The following STMN3 variants were observed in gnomAD, a reference collection of about 807,000 sequenced individuals.
STMN3 encodes stathmin-3.
In STMN3, 24 loss-of-function variants were observed where a neutral mutation model predicts 23.2. The observed-to-expected ratio is 1.03, with a 90% CI of 0.75 to 1.45. The LOEUF is 1.45. Ranked by LOEUF, STMN3 falls within the 40% of genes most tolerant of loss-of-function variation. The pLI is 0.00. For missense variants in STMN3, 235 were observed against 237.6 expected, an observed-to-expected ratio of 0.99 and a Z score of 0.07; for synonymous variants, 117 against 103.4, an observed-to-expected ratio of 1.13 and a Z score of -0.80.
At chr20:63,645,572 G>A (rs958703452) in intron 1 of STMN3, among the ~76,000 whole-genome samples, 1 of 152,234 alleles carries the variant, frequency 6.6e-6, no homozygotes, top group African/African-American at 2.4e-5. Flanking sequence ...TGCTGTCACA[G>A]TGAAAATAAT....
At chr20:63,651,180 C>T (rs1002729021) in intron 1 of STMN3, among the ~76,000 whole-genome samples, 3 of 152,222 alleles carry the variant, frequency 2.0e-5, no homozygotes, top group East Asian at 1.9e-4. Flanking sequence ...AGGCTAGTCT[C>T]GAACTCTTGA....
intron 1 of STMN3, among the ~76,000 whole-genome samples, chr20:63,650,120 G>A (rs1302016324): frequency 1.5e-4 from 13 of 86,614 alleles, no homozygotes; most frequent in Non-Finnish European, 2.6e-4. Flanking sequence ...GAGCCCCCGC[G>A]CCTGGCCCCC....
intron 1 of STMN3, among the ~76,000 whole-genome samples, chr20:63,647,960 G>GTGTATACATATA (rs1424237875): frequency 1.9e-5 from 1 of 53,360 alleles, no homozygotes; most frequent in African/African-American, 1.0e-4. Context: ...ATATATATAT[G>GTGTATACATATA]TATATATATA....
In STMN3 at chr20:63,640,458, G is replaced by A. The variant is rs2089750389; in HGVS notation, c.*880C>T. The A allele has an allele frequency of 6.6e-6, 1 of 152,276 alleles. No homozygotes were observed. Among genetic ancestry groups the A allele is most frequent in the African/African-American group, 2.4e-5 (1 of 41,250 alleles). The allele number at this position is 152,276 out of a possible 1,614,324, so 9.4% of individuals were successfully genotyped here. On this transcript the variant is annotated 3_prime_UTR_variant, in exon 5 of 5. Coordinates refer to ENST00000370053, the MANE Select transcript of STMN3 (RefSeq NM_015894.4). The stretch of plus-strand genomic sequence containing the variant: ...AATCCCCCTTGGGGCTCCCTGAGGA[G>A]GACTTGTGGCTGCCGCTTCCACCAG...
intron 1 of STMN3, among the ~76,000 whole-genome samples, chr20:63,650,892 G>GGT (rs2089853527): frequency 7.3e-6 from 1 of 136,818 alleles, no homozygotes; most frequent in Non-Finnish European, 1.6e-5. Flanking sequence ...CGCCCACCCG[G>GGT]GTGGATGCCC....
At chr20:63,642,970 T>A (rs1422591301) in intron 3 of STMN3, among the ~76,000 whole-genome samples, 1 of 152,094 alleles carries the variant, frequency 6.6e-6, no homozygotes, top group Non-Finnish European at 1.5e-5. Flanking sequence ...GACATTTTTA[T>A]CTCTGTTTCA....
Position 63,642,241 on chromosome 20 carries a change from A to G in STMN3, c.350T>C (p.Val117Ala). 6.4e-7 allele frequency: 1 copy of G among 1,550,906 alleles called. No homozygotes were observed. The highest frequency in any genetic ancestry group is 8.7e-7 in the Non-Finnish European group (1 of 1,150,602). ...ATTCTCCTCCAGCGCCTTGTGCAGCACCTCGCGCTCGTGCTCGCGCCGCTC... is the reference window on the plus strand; with the variant it reads ...ATTCTCCTCCAGCGCCTTGTGCAGCGCCTCGCGCTCGTGCTCGCGCCGCTC... ...LAERREHERE[V>A]LHKALEENNN... The change falls in exon 4 of 5, where the codon GTG (valine) becomes GCG (alanine). Residue 117 changes from valine to alanine, a missense_variant. Coordinates refer to ENST00000370053, the MANE Select transcript of STMN3 (RefSeq NM_015894.4).
Position 63,652,597 on chromosome 20 carries a change from G to T in STMN3, c.19+730C>A, listed in dbSNP as rs903963355. 1 of 985,182 alleles carries T rather than the reference G, an allele frequency of 1.0e-6. No homozygotes were observed. The highest frequency in any genetic ancestry group is 1.2e-6 in the Non-Finnish European group (1 of 829,880). 61.0% of individuals were successfully genotyped at this position (985,182 alleles called of 1,614,324 possible). A position where few individuals can be genotyped will look rare whatever the true frequency, so the allele number is the denominator to read the frequency against. ...CCTTCGAAGGCGGTGGGTCCGCCCC[G>T]CGGGAGGTGGAGGGGCGGGAGGGGC... On this transcript the variant is annotated intron_variant, in intron 1 of 4. Transcript: ENST00000370053. This position sits in a 1 kb window ranked among gnomAD's most constrained non-coding sequence, Gnocchi z 5.3.
intron 1 of STMN3, among the ~76,000 whole-genome samples, chr20:63,647,985 T>TAC (rs2089830981): frequency 1.0e-5 from 1 of 97,666 alleles, no homozygotes; most frequent in African/African-American, 4.3e-5. Flanking sequence ...TATATACATA[T>TAC]ATATATACAG....
intron 1 of STMN3, among the ~76,000 whole-genome samples, chr20:63,644,696 G>A (rs190601724): frequency 7.9e-5 from 12 of 152,284 alleles, no homozygotes; most frequent in Non-Finnish European, 4.4e-5. Context: ...GCCGGTGTGC[G>A]GAGGTGAGGC....
intron 3 of STMN3, 87 bp downstream of exon 3, chr20:63,643,669 C>A: frequency 6.9e-7 from 1 of 1,446,692 alleles, no homozygotes; most frequent in Non-Finnish European, 9.0e-7. Context: ...CAAGCCTGTC[C>A]GGGAGCACCC....
At chr20:63,641,464 G>T in intron 4 of STMN3, 67 bp from the exon 5 acceptor site, 1 of 1,399,268 alleles carries the variant, frequency 7.1e-7, no homozygotes, top group Non-Finnish European at 9.8e-7. Context: ...GAACCCCCAG[G>T]CGCGCAGGCC....
chr20:63,644,733 T>G (rs1426868825), intron 1 of STMN3, among the ~76,000 whole-genome samples: 1 of 152,178 alleles, frequency 6.6e-6, no homozygotes, highest in East Asian at 1.9e-4. Flanking sequence ...GCCATGAGGA[T>G]AGAGCCCTCC....
chr20:63,650,207 C>T (rs548120201), intron 1 of STMN3, among the ~76,000 whole-genome samples: 3 of 152,140 alleles, frequency 2.0e-5, no homozygotes, highest in African/African-American at 4.8e-5. Flanking sequence ...TCTCACCGCC[C>T]CCTCCCCACC....
intron 1 of STMN3, among the ~76,000 whole-genome samples, chr20:63,647,417 C>T (rs1458825637): frequency 6.6e-6 from 1 of 150,496 alleles, no homozygotes; most frequent in Non-Finnish European, 1.5e-5. Context: ...GAGTTCGAGA[C>T]CAGCCTGACC....
intron 1 of STMN3, among the ~76,000 whole-genome samples, chr20:63,647,960 G>GTGTATACATATATATATATA (rs1424237875): frequency 1.9e-5 from 1 of 53,360 alleles, no homozygotes; most frequent in Non-Finnish European, 3.3e-5. Flanking sequence ...ATATATATAT[G>GTGTATACATATATATATATA]TATATATATA....
At chr20:63,644,145 C>G in intron 2 of STMN3, 69 bp downstream of exon 2, 2 of 1,480,492 alleles carry the variant, frequency 1.4e-6, no homozygotes, top group Non-Finnish European at 1.9e-6. Context: ...GAGAGACTGC[C>G]GGAGGCCGGG....
At chr20:63,643,702 C>G (rs559590065) in intron 3 of STMN3, 54 bp downstream of exon 3, 13 of 1,480,210 alleles carry the variant, frequency 8.8e-6, no homozygotes. Flanking sequence ...GCCCTGTCCC[C>G]GTGGGCCGCC....
At chr20:63,651,958 G>A (rs1245705935) in intron 1 of STMN3, among the ~76,000 whole-genome samples, 3 of 152,200 alleles carry the variant, frequency 2.0e-5, no homozygotes, top group Non-Finnish European at 4.4e-5. Flanking sequence ...GGCGGCCCTG[G>A]AGAGGACGGC....
Sources: allele counts gnomAD v4.1 joint callset (sites outside exome capture counted in the v4.1 genomes callset), GRCh38; gene constraint gnomAD v4.1.1; non-coding constraint Gnocchi (gnomAD v3.1); transcripts MANE v1.5; gene names NCBI Gene and HGNC (gene_info 2026-07-23, HGNC 2026-07-21).